Variants in YTHDC1 observed in about 807,000 individuals in gnomAD.
YTHDC1 encodes YTH N6-methyladenosine RNA binding protein C1.
A neutral mutation model predicts 107.0 loss-of-function variants in YTHDC1; 12 were observed. The ratio of observed to expected loss-of-function variants is 0.11; its 90% CI spans 0.07 to 0.18. YTHDC1 has a LOEUF of 0.18. Ranked by LOEUF, YTHDC1 falls within the 10% of genes least tolerant of loss-of-function variation. The pLI is 1.00. For missense variants in YTHDC1, 635 were observed against 898.8 expected, an observed-to-expected ratio of 0.71 and a Z score of 3.75; for synonymous variants, 280 against 289.5, an observed-to-expected ratio of 0.97 and a Z score of 0.33.
intron 3 of YTHDC1, 49 bp from the exon 4 acceptor site, chr4:68,337,499 C>T: frequency 6.2e-7 from 1 of 1,601,242 alleles, no homozygotes; most frequent in Non-Finnish European, 8.5e-7. Context: ...AAGACAAGGT[C>T]AGGGTGAATA....
At chr4:68,326,514 C>A (rs1236508263) in intron 9 of YTHDC1, among the ~76,000 whole-genome samples, 1 of 152,130 alleles carries the variant, frequency 6.6e-6, no homozygotes, top group Non-Finnish European at 1.5e-5. Context: ...ACTGTGAGTT[C>A]TTTGAGAACA....
rs768909476 is a variant in YTHDC1 at position 68,349,769 on chromosome 4, TCCGCCGCTGCCA to T, written c.-28_-17del. 1.9e-6 allele frequency: 3 copies of T among 1,612,402 alleles called. No homozygotes were observed. The highest frequency in any genetic ancestry group is 1.7e-5 in the Admixed American group (1 of 59,958). ...CAGCCGCCATGGCTCCCCTTCGGTT[TCCGCCGCTGCCA>T]CCGCCGCCGCCGCTTAGACGCGACT... On this transcript the variant is annotated 5_prime_UTR_variant, in exon 1 of 17. Coordinates refer to ENST00000344157, the MANE Select transcript of YTHDC1 (RefSeq NM_001031732.4).
intron 1 of YTHDC1, among the ~76,000 whole-genome samples, chr4:68,340,789 C>A (rs527822255): frequency 1.3e-5 from 2 of 151,898 alleles, no homozygotes; most frequent in Non-Finnish European, 2.9e-5. Context: ...ATATCATCCC[C>A]GAACCCTGAA....
chr4:68,317,824 AGAGT>A (rs1029078656), intron 15 of YTHDC1, among the ~76,000 whole-genome samples: 1 of 152,250 alleles, frequency 6.6e-6, no homozygotes, highest in Non-Finnish European at 1.5e-5. Flanking sequence ...TGCCTTGCAC[AGAGT>A]AAGTACTAAA....
chr4:68,336,918 T>C, intron 4 of YTHDC1, 109 bp downstream of exon 4: 4 of 1,369,780 alleles, frequency 2.9e-6, no homozygotes, highest in Admixed American at 2.6e-5. Flanking sequence ...CACAAGACAA[T>C]CCTATTAATA....
Position 68,312,897 on chromosome 4 carries a change from C to T in YTHDC1, c.*1202G>A, listed in dbSNP as rs576696673. On this transcript the variant is annotated 3_prime_UTR_variant, in exon 17 of 17. Transcript: ENST00000344157. ...ACTGTTTTCTTGAGCGGCTCTATTT[C>T]TATGTTATAGTTGGTTACCACTGGG... 2 of 152,268 alleles carry T rather than the reference C, an allele frequency of 1.3e-5. No homozygotes were observed. Among genetic ancestry groups the T allele is most frequent in the East Asian group, 1.9e-4 (1 of 5,184 alleles). 9.4% of individuals were successfully genotyped at this position (152,268 alleles called of 1,614,324 possible).
intron 1 of YTHDC1, among the ~76,000 whole-genome samples, chr4:68,339,080 G>A (rs374404054): frequency 5.3e-5 from 8 of 152,238 alleles, no homozygotes; most frequent in African/African-American, 1.9e-4. Flanking sequence ...TACCAAAAAT[G>A]TGCACTCTCC....
chr4:68,336,959 A>T lies in YTHDC1; in HGVS notation c.883+68T>A, dbSNP rs544489379. The T allele has an allele frequency of 4.0e-6, 6 of 1,511,756 alleles. No homozygotes were observed. In the African/African-American group the frequency reaches 5.6e-5, roughly 14 times the overall value. 93.6% of individuals were successfully genotyped at this position (1,511,756 alleles called of 1,614,324 possible). On this transcript the variant is annotated intron_variant, in intron 4 of 16. Transcript: ENST00000344157. ...CATCTCCTCAACAATTTTATAATTT[A>T]AACATTTTCAAGACTGAAACCTATC...
intron 1 of YTHDC1, among the ~76,000 whole-genome samples, chr4:68,340,912 T>C (rs1246069317): frequency 1.3e-5 from 2 of 152,118 alleles, no homozygotes; most frequent in African/African-American, 4.8e-5. Context: ...CTGGTTTTCC[T>C]ATAAAAAGGG....
intron 9 of YTHDC1, 148 bp downstream of exon 9, chr4:68,329,850 CTAAA>C (rs1209293478): frequency 3.5e-5 from 19 of 550,588 alleles, no homozygotes; most frequent in Non-Finnish European, 5.9e-5. Flanking sequence ...TAACTTTAGA[CTAAA>C]TACGCCTTTG....
At chr4:68,339,327 T>C (rs772066020) in intron 1 of YTHDC1, among the ~76,000 whole-genome samples, 4 of 152,196 alleles carry the variant, frequency 2.6e-5, no homozygotes, top group Non-Finnish European at 5.9e-5. Context: ...AATATGTCAC[T>C]GTCATGAAAC....
chr4:68,337,545 T>A (rs540170808), intron 3 of YTHDC1, 27 bp downstream of exon 3: 1 of 1,586,206 alleles, frequency 6.3e-7, no homozygotes, highest in South Asian at 1.2e-5. Flanking sequence ...TGGCTTTCTG[T>A]TTTATATCTG....
chr4:68,337,736 C>T lies in YTHDC1; in HGVS notation c.295G>A (p.Glu99Lys). ...GKSATEYKNE[E>K]YQRSERNKRL... ...TTGTTTCTTTCAGATCTTTGATATT[C>T]CTCATTTTTATACTCTGTGGCTGAC... The change falls in exon 3 of 17, where the codon GAA becomes AAA. Residue 99 changes from glutamate to lysine, a missense_variant. Around this residue, in one of 5 missense-constraint regions of YTHDC1, gnomAD observed 294 missense variants for 312.3 expected, o/e 0.94. Transcript: ENST00000344157. 6.2e-7 allele frequency: 1 copy of T among 1,613,990 alleles called. No homozygotes were observed. The highest frequency in any genetic ancestry group is 8.5e-7 in the Non-Finnish European group (1 of 1,179,990).
intron 1 of YTHDC1, among the ~76,000 whole-genome samples, chr4:68,339,414 T>C (rs1365816485): frequency 6.6e-6 from 1 of 152,184 alleles, no homozygotes. Context: ...ATATTGGACA[T>C]AATTGGAAAA....
Position 68,324,214 on chromosome 4 carries a change from T to C in YTHDC1, c.1359A>G (p.Leu453=), listed in dbSNP as rs1344415983. ...TGAGATGAGCCGACTTAGTGAAGGG[T>C]AATTCACGCCTAAATACAAAGTAAT... ...FKIDWICRRE[L]PFTKSAHLTN... Residue 453 remains leucine, a synonymous_variant, in exon 10 of 17, where the codon TTA becomes TTG. Transcript: ENST00000344157. The C allele has an allele frequency of 1.9e-6, 3 of 1,613,296 alleles. No individual in the cohort carries two copies. The highest frequency in any genetic ancestry group is 2.5e-6 in the Non-Finnish European group (3 of 1,179,234).
At position 68,314,196 on chromosome 4, in the gene YTHDC1, T is replaced by G. The variant is rs377634966; in HGVS notation, c.2087A>C (p.Asp696Ala). The G allele has an allele frequency of 1.4e-5, 22 of 1,613,694 alleles. 1 individual carries two copies. In the South Asian group the frequency reaches 2.3e-4, roughly 17 times the overall value. The change falls in exon 17 of 17, where the codon GAC (aspartate) becomes GCC (alanine). Residue 696 changes from aspartate to alanine, a missense_variant. Physicochemically the swap from Asp to Ala is moderately radical, Grantham distance 126. Around this residue, in one of 5 missense-constraint regions of YTHDC1, gnomAD observed 256 missense variants for 372.9 expected, o/e 0.69. Coordinates refer to ENST00000344157, the MANE Select transcript of YTHDC1 (RefSeq NM_001031732.4). The stretch of plus-strand genomic sequence containing the variant: ...ATCACGTCCTCTATCTCGCTCTCTG[T>G]CTCGTCTGTTATCTCTAGGGCGGTC... ...ERDRPRDNRR[D>A]RERDRGRDRE...
intron 16 of YTHDC1, among the ~76,000 whole-genome samples, chr4:68,314,881 C>T (rs1721643880): frequency 6.6e-6 from 1 of 152,196 alleles, no homozygotes; most frequent in Non-Finnish European, 1.5e-5. Flanking sequence ...CTAGTTTAAA[C>T]TTTCTACTCT....
chr4:68,347,066 G>C (rs964292295), intron 1 of YTHDC1, among the ~76,000 whole-genome samples: 1 of 152,090 alleles, frequency 6.6e-6, no homozygotes, highest in African/African-American at 2.4e-5. Context: ...GTCCAACCTG[G>C]TAAATACTCA....
chr4:68,314,402 TTATA>T, intron 16 of YTHDC1, 79 bp from the exon 17 acceptor site: 1 of 1,210,144 alleles, frequency 8.3e-7, no homozygotes, highest in African/African-American at 1.5e-5. Flanking sequence ...AAAAAAAAAT[TTATA>T]TAAACAATTT....
Sources: allele counts gnomAD v4.1 joint callset (sites outside exome capture counted in the v4.1 genomes callset), GRCh38; gene constraint gnomAD v4.1.1; regional missense constraint gnomAD v4.1.1; transcripts MANE v1.5; gene names NCBI Gene and HGNC (gene_info 2026-07-23, HGNC 2026-07-21).